The following POU2F2 variants were observed in gnomAD, a reference collection of about 807,000 sequenced individuals.
POU2F2 encodes POU domain, class 2, transcription factor 2.
Under a neutral mutation model 63.5 loss-of-function variants are expected in POU2F2, and 14 were observed. That is an observed-to-expected ratio of 0.22 (90% CI 0.15 to 0.34). POU2F2 has a LOEUF of 0.34. Among genes scored for constraint, POU2F2 ranks in the 10% least tolerant of loss-of-function variants. The probability of loss-of-function intolerance (pLI) is 1.00; values close to 1 mark genes in which losing one functional copy is unlikely to be tolerated. For synonymous variants in POU2F2, 306 were observed against 348.6 expected, an observed-to-expected ratio of 0.88 and a Z score of 1.36; for missense variants, 607 against 815.2, an observed-to-expected ratio of 0.74 and a Z score of 3.11.
chr19:42,106,085 C>G (rs760586332), intron 5 of POU2F2, among the ~76,000 whole-genome samples: 23 of 133,096 alleles, frequency 1.7e-4, no homozygotes, highest in South Asian at 7.1e-4. Flanking sequence ...TTCTTTCTTT[C>G]CCTTCTCTCT....
chr19:42,089,100 G>A lies in POU2F2; in HGVS notation c.*2157C>T, dbSNP rs2076635574. On this transcript the variant is annotated 3_prime_UTR_variant, in exon 15 of 15. Coordinates refer to ENST00000692977, the MANE Select transcript of POU2F2 (RefSeq NM_001394376.1). ...TCTGCTCCTGCCCAACAAGGGGCAG[G>A]GGCCACACTACGGCTGTCAGGCCCC... is the stretch of plus-strand genomic sequence containing the variant. 2 of 152,706 alleles carry A rather than the reference G, an allele frequency of 1.3e-5. No individual in the cohort carries two copies. Among genetic ancestry groups the A allele is most frequent in the African/African-American group, 4.8e-5 (2 of 41,464 alleles). The allele number at this position is 152,706 out of a possible 1,614,324, so 9.5% of individuals were successfully genotyped here. A position where few individuals can be genotyped will look rare whatever the true frequency, so the allele number is the denominator to read the frequency against.
chr19:42,127,932 AG>A (rs1196438619), intron 1 of POU2F2, among the ~76,000 whole-genome samples: 3 of 151,934 alleles, frequency 2.0e-5, no homozygotes, highest in Admixed American at 6.6e-5. Flanking sequence ...TCCCTCCCCC[AG>A]GCCTTTGCCT....
intron 2 of POU2F2, among the ~76,000 whole-genome samples, chr19:42,147,033 C>G (rs1303767040): frequency 3.9e-5 from 6 of 152,208 alleles, no homozygotes; most frequent in Admixed American, 1.3e-4. Flanking sequence ...CTCAGATAGT[C>G]TCGTCTCCCC....
rs1021468328 is a variant in POU2F2, at chr19:42,092,200, G to A, written c.1335C>T (p.Gly445=). 2.4e-5 allele frequency: 36 copies of A among 1,529,414 alleles called. No homozygotes were observed. In the East Asian group the frequency reaches 4.6e-4, roughly 20 times the overall value. 94.7% of individuals were successfully genotyped at this position (1,529,414 alleles called of 1,614,324 possible). A position where few individuals can be genotyped will look rare whatever the true frequency, so the allele number is the denominator to read the frequency against. Residue 445 remains glycine, a synonymous_variant, in exon 13 of 15, where the codon GGC becomes GGT. Coordinates refer to ENST00000692977, the MANE Select transcript of POU2F2 (RefSeq NM_001394376.1). The surrounding 1 kb of genome is among the most constrained non-coding windows in gnomAD (Gnocchi z 5.0). The part of the protein sequence containing the change: ...SRTAGGGGGG[G]GAAPPLNSIP... The stretch of plus-strand genomic sequence containing the variant: ...TGGAATTGAGGGGGGGCGCAGCCCC[G>A]CCCCCGCCCCCACCCCCTCCAGCTG...
intron 5 of POU2F2, among the ~76,000 whole-genome samples, chr19:42,100,091 T>C (rs1448272190): frequency 1.0e-4 from 11 of 109,010 alleles, no homozygotes; most frequent in Non-Finnish European, 1.6e-4. Context: ...CTTTCTTTTT[T>C]TTTTTTTTTT....
upstream of POU2F2, among the ~76,000 whole-genome samples, chr19:42,197,474 C>T (rs550006337): frequency 3.9e-5 from 6 of 152,218 alleles, no homozygotes; most frequent in Admixed American, 1.3e-4. Context: ...CAAGACGGGT[C>T]GAAATTCCAG....
chr19:42,132,567 C>CG (rs1417549166), upstream of POU2F2: 5 of 579,216 alleles, frequency 8.6e-6, no homozygotes, highest in Non-Finnish European at 1.4e-5. Context: ...AGACCCGCCC[C>CG]GGCAGCCCGG....
chr19:42,175,238 A>G (rs991894765), intron 1 of POU2F2, among the ~76,000 whole-genome samples: 11 of 152,100 alleles, frequency 7.2e-5, no homozygotes, highest in African/African-American at 2.7e-4. Context: ...AACCCAGGGG[A>G]CAGACCCAAA....
intron 1 of POU2F2, among the ~76,000 whole-genome samples, chr19:42,167,027 G>T (rs1013090821): frequency 6.6e-6 from 1 of 152,108 alleles, no homozygotes; most frequent in Non-Finnish European, 1.5e-5. Context: ...TACACACTAG[G>T]GATACAACTA....
At chr19:42,106,090 C>T (rs2029925730) in intron 5 of POU2F2, among the ~76,000 whole-genome samples, 1 of 138,160 alleles carries the variant, frequency 7.2e-6, no homozygotes, top group South Asian at 2.3e-4. Context: ...TCTTTCCCTT[C>T]TCTCTCTCTC....
chr19:42,125,890 T>G (rs866382430), intron 1 of POU2F2, among the ~76,000 whole-genome samples: 1 of 152,130 alleles, frequency 6.6e-6, no homozygotes, highest in African/African-American at 2.4e-5. Flanking sequence ...GCTGTGCAGG[T>G]TCTACACTCC....
rs148121928 is a variant in POU2F2 at position 42,091,774 on chromosome 19, G to A, written c.1540+93C>T. On this transcript the variant is annotated intron_variant, in intron 14 of 14. Transcript: ENST00000692977. ...AGAGGCAAGCAATGCAGTGAGCAGG[G>A]GCAGGATGGCATGGCTGGAGCAGCA... The A allele has an allele frequency of 1.1e-4, 170 of 1,547,608 alleles. No homozygotes were observed. In the African/African-American group the frequency reaches 2.0e-3, roughly 18 times the overall value.
In POU2F2 at chr19:42,092,476, G is replaced by C. The variant is rs1371068735; in HGVS notation, c.1265-206C>G. Among the ~76,000 whole-genome samples, 1 of 152,200 alleles carries C rather than the reference G, an allele frequency of 6.6e-6. No individual in the cohort carries two copies. The highest frequency in any genetic ancestry group is 1.5e-5 in the Non-Finnish European group (1 of 68,036). ...ACCCCTGTCATAACAATGGAAGTCA[G>C]AGCAGGTGCTTCCTGCTGAGCCCTG... On this transcript the variant is annotated intron_variant, in intron 12 of 14. Transcript: ENST00000692977. This position sits in a 1 kb window ranked among gnomAD's most constrained non-coding sequence, Gnocchi z 5.0.
At position 42,152,786 on chromosome 19, in the gene POU2F2, AC is replaced by A. The variant is rs911121778; in HGVS notation, c.-9+7545del. The A allele has an allele frequency of 6.6e-6, 1 of 152,298 alleles. No homozygotes were observed. The highest frequency in any genetic ancestry group is 1.5e-5 in the Non-Finnish European group (1 of 68,114). 9.4% of individuals were successfully genotyped at this position (152,298 alleles called of 1,614,324 possible). ...TAAGGGGGCTGGGAGAAATTGAGGGACAATTTCTGGGAGAAAGCAGGCATCC... is the reference window on the plus strand; with the variant it reads ...TAAGGGGGCTGGGAGAAATTGAGGGAAATTTCTGGGAGAAAGCAGGCATCC... On this transcript the variant is annotated intron_variant, in intron 2 of 6. Transcript: ENST00000524801. This position sits in a 1 kb window ranked among gnomAD's most constrained non-coding sequence, Gnocchi z 4.1.
chr19:42,110,165 A>AGGTG (rs1321699016), intron 5 of POU2F2, among the ~76,000 whole-genome samples: 1 of 151,012 alleles, frequency 6.6e-6, no homozygotes, highest in African/African-American at 2.4e-5. Flanking sequence ...TGGGAGGCTG[A>AGGTG]GGTGGGAGGA....
intron 1 of POU2F2, among the ~76,000 whole-genome samples, chr19:42,129,717 C>T (rs530669508): frequency 4.6e-5 from 7 of 152,136 alleles, no homozygotes; most frequent in Non-Finnish European, 1.0e-4. Context: ...GCCGAGCCCC[C>T]GTCCTCCCCA....
chr19:42,148,394 T>C (rs2146766416), intron 2 of POU2F2, among the ~76,000 whole-genome samples: 1 of 152,300 alleles, frequency 6.6e-6, no homozygotes, highest in Non-Finnish European at 1.5e-5. Flanking sequence ...GGTAAATACG[T>C]GGGTCTGTAC....
chr19:42,144,616 C>T (rs1234279591), intron 2 of POU2F2, among the ~76,000 whole-genome samples: 1 of 152,256 alleles, frequency 6.6e-6, no homozygotes, highest in Non-Finnish European at 1.5e-5. Flanking sequence ...GGCCCCTAGA[C>T]CATCCCACTA....
chr19:42,102,634 A>G (rs2077187952), intron 5 of POU2F2, among the ~76,000 whole-genome samples: 1 of 151,962 alleles, frequency 6.6e-6, no homozygotes, highest in Non-Finnish European at 1.5e-5. Context: ...AGTAAAAAAT[A>G]AAGTAAAATA....
Sources: gnomAD v4.1 joint callset for allele counts (sites outside exome capture counted in the v4.1 genomes callset) on GRCh38, gnomAD v4.1.1 for gene constraint, Gnocchi (gnomAD v3.1) non-coding constraint, MANE v1.5 for transcripts, NCBI Gene and HGNC (gene_info 2026-07-23, HGNC 2026-07-21) for gene names.